Variants in PTPRD observed in about 807,000 individuals in gnomAD.
The protein encoded by PTPRD is receptor-type tyrosine-protein phosphatase delta.
Under a neutral mutation model 214.5 loss-of-function variants are expected in PTPRD, and 34 were observed. The ratio of observed to expected loss-of-function variants is 0.16; its 90% confidence interval spans 0.12 to 0.21. The LOEUF (loss-of-function observed/expected upper bound fraction) is 0.21. PTPRD is among the 10% of genes least tolerant of loss of function. PTPRD has a pLI of 1.00. For synonymous variants in PTPRD, 1,128 were observed against 845.7 expected, an observed-to-expected ratio of 1.33 and a Z score of -5.79; for missense variants, 2,545 against 2,398.7, an observed-to-expected ratio of 1.06 and a Z score of -1.27.
chr9:9,248,870 A>C (rs892852602), intron 9 of PTPRD, among the ~76,000 whole-genome samples: 3 of 152,078 alleles, frequency 2.0e-5, no homozygotes, highest in African/African-American at 7.2e-5. Flanking sequence ...GAGTGGGTTA[A>C]CTGGAGAGAT....
At chr9:8,480,446 G>A (rs1281008619) in intron 30 of PTPRD, among the ~76,000 whole-genome samples, 2 of 152,128 alleles carry the variant, frequency 1.3e-5, no homozygotes, top group Non-Finnish European at 2.9e-5. Flanking sequence ...CTCTGCTTCA[G>A]TGAACTCTTT....
At position 9,514,920 on chromosome 9, in the gene PTPRD, A is replaced by G. The variant is rs560091971; in HGVS notation, c.-237+59812T>C. ...CTGTGTCATACCTAAACAAATACTT[A>G]TTTGTAAAGTGTCTAATCAGGGGCT... On this transcript the variant is annotated intron_variant, in intron 8 of 45. Coordinates refer to ENST00000381196, the MANE Select transcript of PTPRD (RefSeq NM_002839.4). Among the ~76,000 whole-genome samples the G allele has an allele frequency of 1.6e-4, 24 of 152,200 alleles. No homozygotes were observed. The South Asian group carries it at 1.9e-3, about 12-fold the overall frequency.
At chr9:9,730,304 A>C (rs2098166386) in intron 7 of PTPRD, among the ~76,000 whole-genome samples, 1 of 152,158 alleles carries the variant, frequency 6.6e-6, no homozygotes, top group African/African-American at 2.4e-5. Flanking sequence ...AACTTGCATA[A>C]AATTTGCATT....
Position 10,064,123 on chromosome 9 carries a change from AT to A in PTPRD, c.-544-30334del, listed in dbSNP as rs1227059937. Among the ~76,000 whole-genome samples the A allele has an allele frequency of 4.0e-5, 6 of 151,638 alleles. No individual in the cohort carries two copies. The South Asian group carries it at 8.3e-4, about 21-fold the overall frequency. ...TCTTCAATGTGTAACTTAAAAGACA[AT>A]TTTTTTTCACTTTTTCTGTCTTATC... On this transcript the variant is annotated intron_variant, in intron 3 of 45. Transcript: ENST00000381196.
chr9:8,759,966 T>C (rs1001786362), intron 11 of PTPRD, among the ~76,000 whole-genome samples: 4 of 152,212 alleles, frequency 2.6e-5, no homozygotes, highest in Non-Finnish European at 4.4e-5. Flanking sequence ...ATGACAAAGT[T>C]TGTCTGTGTC....
chr9:10,520,633 G>A (rs1349504996), intron 2 of PTPRD, among the ~76,000 whole-genome samples: 1 of 152,156 alleles, frequency 6.6e-6, no homozygotes, highest in Non-Finnish European at 1.5e-5. Context: ...GAGAAGGGAA[G>A]TCGATGCTTG....
intron 27 of PTPRD, among the ~76,000 whole-genome samples, chr9:8,487,516 C>A (rs2136047029): frequency 6.6e-6 from 1 of 152,044 alleles, no homozygotes; most frequent in Non-Finnish European, 1.5e-5. Context: ...ACTGCTTGAG[C>A]CCAAGAGTTC....
chr9:10,302,286 C>T (rs1412481793), intron 3 of PTPRD, among the ~76,000 whole-genome samples: 1 of 152,164 alleles, frequency 6.6e-6, no homozygotes, highest in African/African-American at 2.4e-5. Flanking sequence ...TGGAAGGGAA[C>T]AACTGGTACC....
chr9:10,571,998 A>G (rs945669871), intron 2 of PTPRD, among the ~76,000 whole-genome samples: 15 of 152,172 alleles, frequency 9.9e-5, no homozygotes, highest in Non-Finnish European at 4.4e-5. Flanking sequence ...GACACCTGAT[A>G]TAAGAGGCTT....
intron 9 of PTPRD, among the ~76,000 whole-genome samples, chr9:9,302,231 G>T (rs1212681346): frequency 6.6e-6 from 1 of 151,684 alleles, no homozygotes; most frequent in Non-Finnish European, 1.5e-5. Flanking sequence ...ATATGTTATG[G>T]CATTTCCTTC....
At chr9:9,082,013 G>T (rs2099759894) in intron 10 of PTPRD, among the ~76,000 whole-genome samples, 1 of 151,870 alleles carries the variant, frequency 6.6e-6, no homozygotes, top group African/African-American at 2.4e-5. Flanking sequence ...CAGATTCACA[G>T]CCAAATTCTA....
chr9:10,003,699 A>G (rs1435008193), intron 4 of PTPRD, among the ~76,000 whole-genome samples: 1 of 151,756 alleles, frequency 6.6e-6, no homozygotes, highest in Non-Finnish European at 1.5e-5. Flanking sequence ...ACAACAATAA[A>G]ACAATTTAAT....
chr9:10,222,859 T>C (rs2099575821), intron 3 of PTPRD, among the ~76,000 whole-genome samples: 1 of 152,030 alleles, frequency 6.6e-6, no homozygotes, highest in Non-Finnish European at 1.5e-5. Flanking sequence ...CACTAGATTC[T>C]TATTAACCAA....
chr9:9,738,566 C>G (rs1315418098), intron 6 of PTPRD, among the ~76,000 whole-genome samples: 1 of 151,238 alleles, frequency 6.6e-6, no homozygotes, highest in Non-Finnish European at 1.5e-5. Flanking sequence ...GACCCAGCCT[C>G]CTTCTGTGAT....
intron 3 of PTPRD, among the ~76,000 whole-genome samples, chr9:10,077,768 T>C (rs1308027033): frequency 6.6e-6 from 1 of 152,116 alleles, no homozygotes; most frequent in East Asian, 1.9e-4. Context: ...TGTTCTCAAG[T>C]TAGTTCACTT....
intron 12 of PTPRD, among the ~76,000 whole-genome samples, chr9:8,729,198 A>G (rs1010299495): frequency 7.9e-5 from 12 of 152,290 alleles, no homozygotes; most frequent in Admixed American, 7.2e-4. Context: ...AACGCCTTCT[A>G]CTATCCATTC....
At chr9:9,601,461 A>G (rs548782703) in intron 7 of PTPRD, among the ~76,000 whole-genome samples, 3 of 152,254 alleles carry the variant, frequency 2.0e-5, no homozygotes, top group Admixed American at 6.6e-5. Flanking sequence ...ACATATAAAC[A>G]ATACATGATT....
chr9:10,370,040 T>G (rs1436557175), intron 2 of PTPRD, among the ~76,000 whole-genome samples: 1 of 152,068 alleles, frequency 6.6e-6, no homozygotes, highest in Non-Finnish European at 1.5e-5. Flanking sequence ...TTTCTACAGA[T>G]GTTGAAACTG....
At chr9:8,898,259 C>CT (rs5896273) in intron 11 of PTPRD, among the ~76,000 whole-genome samples, 55,989 of 150,500 alleles carry the variant, frequency 0.37, 10,716 homozygotes, top group South Asian at 0.47. Flanking sequence ...AGAAAATGAA[C>CT]TTTTTTTTTT....
Sources: allele counts gnomAD v4.1 joint callset (sites outside exome capture counted in the v4.1 genomes callset), GRCh38; gene constraint gnomAD v4.1.1; transcripts MANE v1.5; gene names NCBI Gene and HGNC (gene_info 2026-07-23, HGNC 2026-07-21).